SLC46A3: variants seen among roughly 807,000 people sequenced by gnomAD.
SLC46A3 encodes the protein solute carrier family 46 member 3.
In SLC46A3, 26 loss-of-function variants were observed where a neutral mutation model predicts 38.5. That is an observed-to-expected ratio of 0.68 (90% CI 0.49 to 0.94). The LOEUF is 0.94. Ranked by LOEUF, SLC46A3 falls within the 40% of genes least tolerant of loss-of-function variation. SLC46A3 has a pLI of 0.00. For missense variants in SLC46A3, 510 were observed against 544.3 expected (o/e 0.94, Z 0.63); for synonymous variants, 185 against 192.5 (o/e 0.96, Z 0.32).
intron 4 of SLC46A3, among the ~76,000 whole-genome samples, chr13:28,707,231 T>C (rs1381661717): frequency 1.3e-5 from 2 of 151,482 alleles, no homozygotes; most frequent in East Asian, 1.9e-4. Flanking sequence ...TACAAAAGGA[T>C]GAGTTCATGT....
intron 4 of SLC46A3, among the ~76,000 whole-genome samples, chr13:28,705,196 C>T (rs955658593): frequency 6.6e-6 from 1 of 152,214 alleles, no homozygotes; most frequent in Non-Finnish European, 1.5e-5. Context: ...GTCAACAAGT[C>T]ACTATGCTTG....
intron 5 of SLC46A3, among the ~76,000 whole-genome samples, chr13:28,703,446 T>C (rs1044559444): frequency 1.6e-4 from 24 of 152,234 alleles, no homozygotes; most frequent in African/African-American, 5.3e-4. Context: ...GGAGTTATAA[T>C]GAACACAATC....
Position 28,717,791 on chromosome 13 carries a change from G to T in SLC46A3, c.189+19C>A. On this transcript the variant is annotated intron_variant, in intron 2 of 5. Coordinates refer to ENST00000266943, the MANE Select transcript of SLC46A3 (RefSeq NM_181785.4). ...ACATTCCCATTTTATTAAATACTAT[G>T]GATATTGTAATTTCTTACCTCCTGG... 1.2e-6 allele frequency: 2 copies of T among 1,606,132 alleles called. No individual in the cohort carries two copies. The highest frequency in any genetic ancestry group is 2.2e-5 in the South Asian group (2 of 90,414).
intron 3 of SLC46A3, among the ~76,000 whole-genome samples, chr13:28,711,078 A>G (rs1566122050): frequency 6.6e-6 from 1 of 152,202 alleles, no homozygotes; most frequent in African/African-American, 2.4e-5. Context: ...TACAGAGAAC[A>G]AGAGTTCATG....
chr13:28,712,645 A>T (rs888041650), intron 3 of SLC46A3, 35 bp downstream of exon 3: 1 of 1,514,438 alleles, frequency 6.6e-7, no homozygotes. Context: ...AATATCAAAT[A>T]CATAGTTAGT....
At chr13:28,706,111 G>T (rs1052811174) in intron 4 of SLC46A3, among the ~76,000 whole-genome samples, 1 of 151,922 alleles carries the variant, frequency 6.6e-6, no homozygotes, top group African/African-American at 2.4e-5. Flanking sequence ...CAAAAATCAA[G>T]TCTGTTTTAC....
At chr13:28,712,632 A>G (rs1885375075) in intron 3 of SLC46A3, 48 bp downstream of exon 3, 1 of 1,484,456 alleles carries the variant, frequency 6.7e-7, no homozygotes, top group Non-Finnish European at 8.9e-7. Context: ...TTCATTTTAT[A>G]TGAATATCAA....
chr13:28,704,222 G>C, intron 4 of SLC46A3, 123 bp from the exon 5 acceptor site: 2 of 857,880 alleles, frequency 2.3e-6, no homozygotes, highest in South Asian at 1.9e-5. Context: ...ACTGCTGGGT[G>C]AATGAAATGA....
At chr13:28,716,511 CTG>C (rs1016661962) in intron 2 of SLC46A3, among the ~76,000 whole-genome samples, 3 of 151,608 alleles carry the variant, frequency 2.0e-5, no homozygotes, top group African/African-American at 7.3e-5. Context: ...CAAAAAGAAA[CTG>C]TGAGCCGATC....
chr13:28,704,721 A>C (rs1885129014), intron 4 of SLC46A3, among the ~76,000 whole-genome samples: 1 of 152,316 alleles, frequency 6.6e-6, no homozygotes, highest in South Asian at 2.1e-4. Context: ...TGACTCATCA[A>C]ATTAACCATC....
At chr13:28,707,523 G>A (rs993315370) in intron 4 of SLC46A3, among the ~76,000 whole-genome samples, 7 of 151,854 alleles carry the variant, frequency 4.6e-5, no homozygotes, top group African/African-American at 1.2e-4. Context: ...AAACCTGCAC[G>A]TTGTGCACAT....
At chr13:28,702,774 G>A (rs1885064154) in intron 5 of SLC46A3, among the ~76,000 whole-genome samples, 1 of 152,188 alleles carries the variant, frequency 6.6e-6, no homozygotes, top group African/African-American at 2.4e-5. Flanking sequence ...TAAGACATGA[G>A]CCAGCCCTTT....
chr13:28,710,616 C>T (rs1885314168), intron 4 of SLC46A3, 144 bp downstream of exon 4: 3 of 690,044 alleles, frequency 4.3e-6, no homozygotes, highest in African/African-American at 1.8e-5. Context: ...AAGCCTTTCC[C>T]TCACAGAGCT....
intron 4 of SLC46A3, among the ~76,000 whole-genome samples, chr13:28,710,540 C>A (rs369235403): frequency 6.6e-6 from 1 of 152,196 alleles, no homozygotes; most frequent in Admixed American, 6.5e-5. Flanking sequence ...GGGCGGGGCA[C>A]GGCCCAGAGC....
At chr13:28,715,978 CAA>C (rs10594317) in intron 2 of SLC46A3, among the ~76,000 whole-genome samples, 40,337 of 128,552 alleles carry the variant, frequency 0.31, 5,698 homozygotes, top group Middle Eastern at 0.46. Flanking sequence ...CCTGTCTCTA[CAA>C]AAAAAAAAAA....
intron 2 of SLC46A3, 45 bp from the exon 3 acceptor site, chr13:28,713,595 A>T: frequency 1.3e-6 from 2 of 1,539,150 alleles, no homozygotes; most frequent in Non-Finnish European, 1.8e-6. Flanking sequence ...AGTAGTTAAC[A>T]CAACGTGTAT....
chr13:28,714,143 A>G (rs1377405576), intron 2 of SLC46A3, among the ~76,000 whole-genome samples: 1 of 13,876 alleles, frequency 7.2e-5, no homozygotes. Context: ...AAAAAATACA[A>G]AAAAAAAAAA....
At position 28,717,484 on chromosome 13, in the gene SLC46A3, AC is replaced by A. The variant is rs1291688750; in HGVS notation, c.189+325del. ...CAGCCTGCCCTGCCCCAATTTTCAG[AC>A]TTTTTTTTTTTTTTTTTTTTTTTTT... is the stretch of plus-strand genomic sequence containing the variant. On this transcript the variant is annotated intron_variant, in intron 2 of 5. Coordinates refer to ENST00000266943, the MANE Select transcript of SLC46A3 (RefSeq NM_181785.4). 2.2e-3 allele frequency among the ~76,000 whole-genome samples: 207 copies of A among 94,270 alleles called. 21 individuals carry two copies. The highest frequency in any genetic ancestry group is 2.8e-3 in the Non-Finnish European group (133 of 47,584). 61.8% of individuals were successfully genotyped at this position (94,270 alleles called of 152,430 possible). A position where few individuals can be genotyped will look rare whatever the true frequency, so the allele number is the denominator to read the frequency against.
chr13:28,711,438 AC>A (rs1885339909), intron 3 of SLC46A3, among the ~76,000 whole-genome samples: 1 of 151,148 alleles, frequency 6.6e-6, no homozygotes, highest in African/African-American at 2.4e-5. Context: ...AAAAAAAAAA[AC>A]AAAAAAAAAA....
Sources: gnomAD v4.1 joint callset for allele counts (sites outside exome capture counted in the v4.1 genomes callset) on GRCh38, gnomAD v4.1.1 for gene constraint, MANE v1.5 for transcripts, NCBI Gene and HGNC (gene_info 2026-07-23, HGNC 2026-07-21) for gene names.